The following NRG1 variants were observed in gnomAD, a reference collection of about 807,000 sequenced individuals.
NRG1 encodes neuregulin 1, also known as pro-neuregulin-1, membrane-bound isoform.
In NRG1, 18 loss-of-function variants were observed where a neutral mutation model predicts 63.8. The observed-to-expected ratio is 0.28, with a 90% confidence interval of 0.19 to 0.42. NRG1 has a LOEUF of 0.42. Ranked by LOEUF, NRG1 falls within the 10% of genes least tolerant of loss-of-function variation. The pLI, the probability that NRG1 is intolerant of heterozygous loss-of-function variation, is 1.00. For synonymous variants in NRG1, 302 were observed against 301.3 expected, an observed-to-expected ratio of 1.00 and a Z score of -0.02; for missense variants, 762 against 814.7, an observed-to-expected ratio of 0.94 and a Z score of 0.79.
At chr8:32,315,940 G>T (rs1050137654) in intron 1 of NRG1, among the ~76,000 whole-genome samples, 3 of 144,188 alleles carry the variant, frequency 2.1e-5, no homozygotes, top group Admixed American at 6.7e-5. Flanking sequence ...CCTGTATTTT[G>T]CTAGGCAGTG....
At chr8:32,322,028 C>G (rs1274357530) in intron 1 of NRG1, among the ~76,000 whole-genome samples, 1 of 151,834 alleles carries the variant, frequency 6.6e-6, no homozygotes, top group Admixed American at 6.6e-5. Flanking sequence ...TTTTAAATGA[C>G]ATTGTCAGGC....
rs953964595 is a variant in NRG1, at chr8:32,025,296, A to G, written c.37+385865A>G. On this transcript the variant is annotated intron_variant, in intron 1 of 10. Transcript: ENST00000519301. ...AATGCATCAAACTAGTAAGAAAAAAAAAGTCTCAAACCACAGAGAAAGACT... is the reference window on the plus strand; with the variant it reads ...AATGCATCAAACTAGTAAGAAAAAAGAAGTCTCAAACCACAGAGAAAGACT... 2.6e-5 allele frequency among the ~76,000 whole-genome samples: 4 copies of G among 152,206 alleles called. 1 individual carries two copies. Among genetic ancestry groups the G allele is most frequent in the Admixed American group, 2.6e-4 (4 of 15,276 alleles).
At chr8:32,040,239 G>T (rs993101198) in intron 1 of NRG1, among the ~76,000 whole-genome samples, 3 of 152,144 alleles carry the variant, frequency 2.0e-5, no homozygotes, top group African/African-American at 7.2e-5. Flanking sequence ...TTCCTTAGAA[G>T]TTCTAGATCC....
chr8:31,730,978 CT>C (rs1554517273), intron 1 of NRG1, among the ~76,000 whole-genome samples: 1 of 151,894 alleles, frequency 6.6e-6, no homozygotes, highest in Non-Finnish European at 1.5e-5. Context: ...TAGTTTTTTT[CT>C]TTTTGAATTA....
chr8:31,679,513 A>G (rs1808095939), intron 1 of NRG1, among the ~76,000 whole-genome samples: 1 of 152,106 alleles, frequency 6.6e-6, no homozygotes, highest in African/African-American at 2.4e-5. Flanking sequence ...AGATGTAAAA[A>G]CTGCATTCCA....
At chr8:32,079,683 A>C (rs976826112) in intron 1 of NRG1, among the ~76,000 whole-genome samples, 2 of 152,214 alleles carry the variant, frequency 1.3e-5, no homozygotes, top group African/African-American at 4.8e-5. Context: ...TGGTGCTTAC[A>C]TCTAGGATGA....
At chr8:31,716,989 G>A (rs926757397) in intron 1 of NRG1, among the ~76,000 whole-genome samples, 6 of 152,212 alleles carry the variant, frequency 3.9e-5, no homozygotes, top group Admixed American at 2.6e-4. Flanking sequence ...TACAGTTCAT[G>A]GCTGAAGTGG....
chr8:32,547,978 CA>C (rs1179871812), upstream of NRG1, among the ~76,000 whole-genome samples: 2 of 152,124 alleles, frequency 1.3e-5, no homozygotes, highest in Non-Finnish European at 2.9e-5. Flanking sequence ...GGGGAGCGGG[CA>C]GCGAGAGCCT....
chr8:31,773,774 CAGG>C (rs139230019), intron 1 of NRG1, among the ~76,000 whole-genome samples: 23,021 of 151,986 alleles, frequency 0.15, 1,877 homozygotes, highest in Admixed American at 0.21. Context: ...GAATATCCTT[CAGG>C]AGATGTTTAA....
intron 1 of NRG1, among the ~76,000 whole-genome samples, chr8:32,519,743 A>C (rs576288120): frequency 1.3e-5 from 2 of 152,326 alleles, no homozygotes; most frequent in South Asian, 4.1e-4. Context: ...GCTAAGCAGA[A>C]TATTTTCCTT....
At chr8:32,453,867 A>G (rs1276049885) in intron 1 of NRG1, among the ~76,000 whole-genome samples, 1 of 152,154 alleles carries the variant, frequency 6.6e-6, no homozygotes, top group East Asian at 1.9e-4. Flanking sequence ...CAGCCTTTCC[A>G]TCCCTGCACA....
chr8:32,423,954 G>A (rs1279780128), intron 1 of NRG1, among the ~76,000 whole-genome samples: 1 of 152,016 alleles, frequency 6.6e-6, no homozygotes, highest in African/African-American at 2.4e-5. Flanking sequence ...ATGTTATTTT[G>A]AGCCGATATT....
intron 7 of NRG1, chr8:32,749,629 C>G (rs778775352): frequency 6.3e-7 from 1 of 1,594,642 alleles, no homozygotes; most frequent in South Asian, 1.1e-5. Flanking sequence ...AATTTAGAGC[C>G]TATGAGCTGA....
intron 5 of NRG1, chr8:32,647,860 C>T: frequency 6.2e-7 from 1 of 1,614,046 alleles, no homozygotes; most frequent in Non-Finnish European, 8.5e-7. Flanking sequence ...GATGGGAGAA[C>T]CCCTGGACTC....
chr8:32,135,404 G>A (rs1039238652), intron 1 of NRG1, among the ~76,000 whole-genome samples: 5 of 152,104 alleles, frequency 3.3e-5, no homozygotes, highest in African/African-American at 4.8e-5. Flanking sequence ...GTTGGTGACT[G>A]TTGGAGGGTA....
At chr8:32,031,011 G>A (rs1323368328) in intron 1 of NRG1, among the ~76,000 whole-genome samples, 1 of 152,158 alleles carries the variant, frequency 6.6e-6, no homozygotes, top group Admixed American at 6.5e-5. Context: ...CCCCTCTAGC[G>A]GGATCATAGA....
intron 1 of NRG1, among the ~76,000 whole-genome samples, chr8:31,879,905 A>T (rs58086592): frequency 0.14 from 22,055 of 152,162 alleles, 1,999 homozygotes; most frequent in Non-Finnish European, 0.19. Flanking sequence ...TTTTTTATGG[A>T]TGCATACTAT....
chr8:32,248,389 T>C (rs773729642), intron 1 of NRG1, among the ~76,000 whole-genome samples: 62 of 152,156 alleles, frequency 4.1e-4, no homozygotes, highest in Non-Finnish European at 8.2e-4. Context: ...GCACGACTTA[T>C]GCAAAGTGGC....
intron 1 of NRG1, among the ~76,000 whole-genome samples, chr8:31,652,468 T>C (rs1322317291): frequency 6.6e-6 from 1 of 152,234 alleles, no homozygotes; most frequent in Non-Finnish European, 1.5e-5. Context: ...TTGAATGGCA[T>C]GTGAGGGCTT....
Sources: gnomAD v4.1 joint callset for allele counts (sites outside exome capture counted in the v4.1 genomes callset) on GRCh38, gnomAD v4.1.1 for gene constraint, MANE v1.5 for transcripts, NCBI Gene and HGNC (gene_info 2026-07-23, HGNC 2026-07-21) for gene names.